PTER: variants seen among roughly 807,000 people sequenced by gnomAD.
PTER encodes the protein N-acetyltaurine hydrolase.
PTER carries 38 observed loss-of-function variants against 29.6 expected under a neutral mutation model. That is an observed-to-expected ratio of 1.28 (90% CI 0.99 to 1.68). The LOEUF (loss-of-function observed/expected upper bound fraction) is 1.68, where lower values mean the gene tolerates loss of function less well. Ranked by LOEUF, PTER falls within the 40% of genes most tolerant of loss-of-function variation. The pLI is 0.00. For missense variants in PTER, 482 were observed against 427.8 expected (o/e 1.13, Z -1.12); for synonymous variants, 172 against 154.5 (o/e 1.11, Z -0.84).
chr10:16,486,250 AGAAT>A, intron 2 of PTER, 98 bp from the exon 3 acceptor site: 1 of 1,284,024 alleles, frequency 7.8e-7, no homozygotes, highest in Non-Finnish European at 1.1e-6. Context: ...CATTTTTAAA[AGAAT>A]GAATGACAAA....
chr10:16,447,757 G>T (rs1834068944), intron 1 of PTER, among the ~76,000 whole-genome samples: 1 of 152,000 alleles, frequency 6.6e-6, no homozygotes. Context: ...CCTGCATATT[G>T]TGCAGAACCA....
intron 1 of PTER, among the ~76,000 whole-genome samples, chr10:16,456,833 G>C (rs112722313): frequency 5.0e-4 from 74 of 147,816 alleles, no homozygotes; most frequent in African/African-American, 1.8e-3. Context: ...GGAGGGACCT[G>C]GTGGGAGGTA....
At chr10:16,460,364 G>A (rs1249404201) in intron 1 of PTER, among the ~76,000 whole-genome samples, 1 of 152,134 alleles carries the variant, frequency 6.6e-6, no homozygotes, top group Admixed American at 6.5e-5. Flanking sequence ...TGAGAGACTG[G>A]GTTCTAGTTT....
chr10:16,463,419 G>A (rs1227390040), intron 1 of PTER, among the ~76,000 whole-genome samples: 2 of 151,594 alleles, frequency 1.3e-5, no homozygotes, highest in Admixed American at 6.6e-5. Flanking sequence ...TCTTTTTTTT[G>A]TTGTTTTTTG....
chr10:16,461,959 A>G (rs1834628702), intron 1 of PTER, among the ~76,000 whole-genome samples: 1 of 150,822 alleles, frequency 6.6e-6, no homozygotes, highest in Non-Finnish European at 1.5e-5. Context: ...TCTCTGTTTT[A>G]CTGGAAGCCA....
intron 1 of PTER, among the ~76,000 whole-genome samples, chr10:16,458,157 T>C (rs1348325033): frequency 6.6e-6 from 1 of 151,862 alleles, no homozygotes; most frequent in Admixed American, 6.6e-5. Context: ...AATTAAAGAT[T>C]GTAGGAAGAC....
At chr10:16,496,803 G>A (rs114915098) in intron 3 of PTER, among the ~76,000 whole-genome samples, 1,838 of 152,250 alleles carry the variant, frequency 0.012, 39 homozygotes, top group African/African-American at 0.042. Context: ...TTGTTAAATG[G>A]AATGATGGAT....
chr10:16,467,310 A>G (rs1349336502), intron 1 of PTER, among the ~76,000 whole-genome samples: 1 of 152,196 alleles, frequency 6.6e-6, no homozygotes, highest in Non-Finnish European at 1.5e-5. Context: ...AAACTTTATC[A>G]TAAGTATGTA....
At chr10:16,474,221 A>G (rs1835169713) in intron 1 of PTER, among the ~76,000 whole-genome samples, 3 of 152,354 alleles carry the variant, frequency 2.0e-5, no homozygotes, top group South Asian at 2.1e-4. Context: ...TAGAAGTTGC[A>G]TAACAACCAG....
chr10:16,440,253 A>G (rs1010760885), intron 1 of PTER, among the ~76,000 whole-genome samples: 3 of 151,860 alleles, frequency 2.0e-5, no homozygotes, highest in African/African-American at 7.3e-5. Context: ...TTTTTGGTAG[A>G]GACGGGGTTT....
chr10:16,517,644 A>C (rs7914151), downstream of PTER, among the ~76,000 whole-genome samples: 36,420 of 152,050 alleles, frequency 0.24, 4,915 homozygotes, highest in African/African-American at 0.35. Context: ...GGTAGGATTA[A>C]ATTTAGGTTG....
chr10:16,480,539 A>G (rs1835441057), intron 1 of PTER, among the ~76,000 whole-genome samples: 3 of 152,076 alleles, frequency 2.0e-5, no homozygotes, highest in South Asian at 2.1e-4. Context: ...AGTACCTTCA[A>G]CCAGGTCAAG....
At chr10:16,497,213 G>T (rs1836145483) in intron 3 of PTER, among the ~76,000 whole-genome samples, 1 of 152,134 alleles carries the variant, frequency 6.6e-6, no homozygotes, top group South Asian at 2.1e-4. Flanking sequence ...GGGATTACAG[G>T]CATGAGCCAT....
At chr10:16,500,763 CAG>C (rs1836306037) in intron 3 of PTER, among the ~76,000 whole-genome samples, 1 of 151,918 alleles carries the variant, frequency 6.6e-6, no homozygotes, top group Non-Finnish European at 1.5e-5. Context: ...TTTTTAGAGT[CAG>C]GGGCTCACTC....
At chr10:16,469,343 A>G (rs1312066788) in intron 1 of PTER, among the ~76,000 whole-genome samples, 2 of 152,184 alleles carry the variant, frequency 1.3e-5, no homozygotes. Context: ...TTAAGATTAG[A>G]AGAAGACTCA....
intron 1 of PTER, among the ~76,000 whole-genome samples, chr10:16,466,628 T>C (rs933504668): frequency 6.6e-6 from 1 of 152,236 alleles, no homozygotes; most frequent in African/African-American, 2.4e-5. Flanking sequence ...AGTGCTGGGC[T>C]TACAGGCATG....
chr10:16,462,875 A>C (rs1008828157), intron 1 of PTER, among the ~76,000 whole-genome samples: 1 of 151,398 alleles, frequency 6.6e-6, no homozygotes, highest in Non-Finnish European at 1.5e-5. Context: ...CCGGCCACAT[A>C]ATCTACTCTT....
At chr10:16,514,696 A>G, downstream of PTER, 4 of 1,611,630 alleles carry the variant, frequency 2.5e-6, no homozygotes, top group Non-Finnish European at 3.4e-6. Flanking sequence ...GGGCAATTGC[A>G]CTAGCACGCA....
downstream of PTER, chr10:16,514,738 TA>T (rs1481682385): frequency 6.5e-7 from 1 of 1,541,574 alleles, no homozygotes; most frequent in Middle Eastern, 1.7e-4. Context: ...TTAGGATGCG[TA>T]AATGAGAATT....
Sources: allele counts gnomAD v4.1 joint callset (sites outside exome capture counted in the v4.1 genomes callset), GRCh38; gene constraint gnomAD v4.1.1; transcripts MANE v1.5; gene names NCBI Gene and HGNC (gene_info 2026-07-23, HGNC 2026-07-21).